TSGA10: variants seen among roughly 807,000 people sequenced by gnomAD.
The protein encoded by TSGA10 is testis-specific gene 10 protein.
A neutral mutation model predicts 96.6 loss-of-function variants in TSGA10; 43 were observed. The ratio of observed to expected loss-of-function variants is 0.44; its 90% CI spans 0.35 to 0.57. The LOEUF is 0.57. Ranked by LOEUF, TSGA10 falls within the 20% of genes least tolerant of loss-of-function variation. TSGA10 has a pLI of 0.01. For missense variants in TSGA10, 703 were observed against 834.4 expected, an observed-to-expected ratio of 0.84 and a Z score of 1.94; for synonymous variants, 229 against 269.9, an observed-to-expected ratio of 0.85 and a Z score of 1.48.
chr2:99,087,304 C>T (rs1004763709), intron 10 of TSGA10, among the ~76,000 whole-genome samples: 12 of 151,994 alleles, frequency 7.9e-5, no homozygotes, highest in African/African-American at 2.2e-4. Context: ...GTCAGGAGTT[C>T]GAAACCAGCC....
chr2:99,138,560 G>A (rs2093413358), intron 1 of TSGA10, among the ~76,000 whole-genome samples: 1 of 152,154 alleles, frequency 6.6e-6, no homozygotes, highest in Non-Finnish European at 1.5e-5. Context: ...GGGGACTAAT[G>A]AATGAATAGT....
intron 10 of TSGA10, among the ~76,000 whole-genome samples, chr2:99,097,238 C>T (rs868717947): frequency 1.4e-4 from 21 of 151,712 alleles, no homozygotes; most frequent in African/African-American, 4.6e-4. Context: ...TATATAGGAC[C>T]CCAAAAACTT....
At chr2:99,149,055 C>T (rs1454668260) in intron 1 of TSGA10, among the ~76,000 whole-genome samples, 2 of 151,810 alleles carry the variant, frequency 1.3e-5, no homozygotes, top group Non-Finnish European at 2.9e-5. Context: ...CCTGTAATCC[C>T]AGCTACTCAG....
At chr2:99,025,757 T>C (rs2080508673) in intron 17 of TSGA10, among the ~76,000 whole-genome samples, 1 of 152,236 alleles carries the variant, frequency 6.6e-6, no homozygotes, top group Non-Finnish European at 1.5e-5. Flanking sequence ...AGTACTGCTT[T>C]AGCTGCATCC....
chr2:99,086,985 A>G lies in TSGA10; in HGVS notation c.612-5588T>C, dbSNP rs1235246274. On this transcript the variant is annotated intron_variant, in intron 10 of 20. Transcript: ENST00000393483. The stretch of plus-strand genomic sequence containing the variant: ...TTTGGGAGGCCAAGGAGGGCGAATC[A>G]CGAGGTCAGGAGATTGAGACCATCC... Among the ~76,000 whole-genome samples, 5 of 151,978 alleles carry G rather than the reference A, an allele frequency of 3.3e-5. No individual in the cohort carries two copies. In the East Asian group the frequency reaches 9.7e-4, roughly 29 times the overall value.
At chr2:99,047,197 G>A (rs1318137590) in intron 16 of TSGA10, among the ~76,000 whole-genome samples, 1 of 152,182 alleles carries the variant, frequency 6.6e-6, no homozygotes, top group Non-Finnish European at 1.5e-5. Flanking sequence ...AACAGAAAAA[G>A]AGGGAATCCT....
At chr2:99,024,766 G>A (rs575458469) in intron 17 of TSGA10, among the ~76,000 whole-genome samples, 2 of 152,278 alleles carry the variant, frequency 1.3e-5, no homozygotes, top group East Asian at 1.9e-4. Context: ...TAAGTACAGT[G>A]TTTGCTGTGG....
At chr2:99,036,456 G>A (rs369076267) in intron 16 of TSGA10, among the ~76,000 whole-genome samples, 2 of 151,980 alleles carry the variant, frequency 1.3e-5, no homozygotes, top group African/African-American at 4.8e-5. Context: ...CAGACTACTA[G>A]AGAAGTCATA....
chr2:99,077,397 T>C (rs544854357), intron 12 of TSGA10, among the ~76,000 whole-genome samples: 340 of 152,184 alleles, frequency 2.2e-3, no homozygotes, highest in Non-Finnish European at 3.7e-3. Context: ...AATTAATGAA[T>C]GAGTTACCTT....
At chr2:99,108,074 T>C (rs976888773) in intron 7 of TSGA10, among the ~76,000 whole-genome samples, 3 of 152,208 alleles carry the variant, frequency 2.0e-5, no homozygotes, top group Non-Finnish European at 4.4e-5. Context: ...TCACACTTTG[T>C]ATCTTTTAAT....
chr2:99,105,812 G>C (rs1001084555), intron 7 of TSGA10, 115 bp from the exon 8 acceptor site: 2 of 635,616 alleles, frequency 3.1e-6, no homozygotes, highest in African/African-American at 1.8e-5. Flanking sequence ...ATGCAGCAGG[G>C]TAATGGTATC....
intron 7 of TSGA10, among the ~76,000 whole-genome samples, chr2:99,107,093 T>A (rs1032804502): frequency 6.6e-6 from 1 of 152,216 alleles, no homozygotes; most frequent in Non-Finnish European, 1.5e-5. Context: ...ATGACTCTCC[T>A]ATTTTTTATT....
chr2:99,088,491 G>A (rs561375697), intron 10 of TSGA10, among the ~76,000 whole-genome samples: 1 of 152,258 alleles, frequency 6.6e-6, no homozygotes, highest in East Asian at 1.9e-4. Flanking sequence ...CTCGATAAGA[G>A]GGGACTACTA....
intron 7 of TSGA10, among the ~76,000 whole-genome samples, 180 bp downstream of exon 7, chr2:99,108,653 T>C (rs2091552714): frequency 6.6e-6 from 1 of 152,164 alleles, no homozygotes; most frequent in Non-Finnish European, 1.5e-5. Context: ...TGTACTCACA[T>C]ACCTACTGTA....
intron 16 of TSGA10, among the ~76,000 whole-genome samples, chr2:99,047,607 C>T (rs1264391606): frequency 6.6e-6 from 1 of 152,180 alleles, no homozygotes; most frequent in East Asian, 1.9e-4. Context: ...GACAAACCCA[C>T]AGCCAATATC....
At chr2:99,071,263 A>G (rs2085923722) in intron 14 of TSGA10, among the ~76,000 whole-genome samples, 2 of 152,120 alleles carry the variant, frequency 1.3e-5, no homozygotes, top group South Asian at 4.1e-4. Context: ...TGCCTTAGGG[A>G]GAAAGAGTAA....
At chr2:99,112,459 C>T (rs2091898386) in intron 4 of TSGA10, among the ~76,000 whole-genome samples, 1 of 151,812 alleles carries the variant, frequency 6.6e-6, no homozygotes, top group South Asian at 2.1e-4. Flanking sequence ...ATATAGTATA[C>T]TAGAAAAAGA....
chr2:99,138,559 T>C (rs944716938), intron 1 of TSGA10, among the ~76,000 whole-genome samples: 1 of 152,284 alleles, frequency 6.6e-6, no homozygotes, highest in African/African-American at 2.4e-5. Context: ...AGGGGACTAA[T>C]GAATGAATAG....
intron 10 of TSGA10, among the ~76,000 whole-genome samples, chr2:99,101,866 T>C (rs2090787221): frequency 6.6e-6 from 1 of 152,100 alleles, no homozygotes; most frequent in South Asian, 2.1e-4. Flanking sequence ...AGTAAAATGG[T>C]AGTTGCCAAG....
Sources: allele counts gnomAD v4.1 joint callset (sites outside exome capture counted in the v4.1 genomes callset), GRCh38; gene constraint gnomAD v4.1.1; transcripts MANE v1.5; gene names NCBI Gene and HGNC (gene_info 2026-07-23, HGNC 2026-07-21).